The following SEC14L2 variants were observed in gnomAD, a reference collection of about 807,000 sequenced individuals.
The protein encoded by SEC14L2 is SEC14-like protein 2.
Under a neutral mutation model 56.9 loss-of-function variants are expected in SEC14L2, and 50 were observed. That is an observed-to-expected ratio of 0.88 (90% CI 0.70 to 1.11). The LOEUF (loss-of-function observed/expected upper bound fraction) is 1.11. Among genes scored for constraint, SEC14L2 ranks in the 50% most tolerant of loss-of-function variants. The probability of loss-of-function intolerance (pLI) is 0.00; values close to 1 mark genes in which losing one functional copy is unlikely to be tolerated. For missense variants in SEC14L2, 414 were observed against 500.7 expected (o/e 0.83, Z 1.65); for synonymous variants, 179 against 188.5 (o/e 0.95, Z 0.41).
In SEC14L2 at chr22:30,407,638, C is replaced by T. The variant is rs113940124; in HGVS notation, c.423+35C>T. The T allele has an allele frequency of 9.2e-4, 1,460 of 1,594,034 alleles. 12 individuals are homozygous for T. In the African/African-American group the frequency reaches 0.017, roughly 19 times the overall value. ...CCACCATGGCTAGAAATGAGTTGAC[C>T]ACAGCAGAGGCATTCCAGCAGAAGC... On this transcript the variant is annotated intron_variant, in intron 5 of 11. Coordinates refer to ENST00000615189, the MANE Select transcript of SEC14L2 (RefSeq NM_012429.5).
chr22:30,397,764 C>G (rs1485076957), intron 1 of SEC14L2: 1 of 447,212 alleles, frequency 2.2e-6, no homozygotes, highest in Non-Finnish European at 4.7e-6. Flanking sequence ...CCCCATGAGG[C>G]ACTGGGTTGG....
Position 30,416,742 on chromosome 22 carries a change from A to G in SEC14L2, c.1081+339A>G, listed in dbSNP as rs139306392. The stretch of plus-strand genomic sequence containing the variant: ...ATATTTCTTGGGGATGCTCCTTCCC[A>G]GAGGTCACAGAGACAGAACTGGCTG... On this transcript the variant is annotated intron_variant, in intron 11 of 11. Transcript: ENST00000615189. The G allele has an allele frequency of 5.8e-5, 77 of 1,319,666 alleles. No homozygotes were observed. In the East Asian group the frequency reaches 1.8e-3, roughly 30 times the overall value. The allele number at this position is 1,319,666 out of a possible 1,614,324, so 81.7% of individuals were successfully genotyped here. A position where few individuals can be genotyped will look rare whatever the true frequency, so the allele number is the denominator to read the frequency against.
intron 11 of SEC14L2, among the ~76,000 whole-genome samples, chr22:30,418,746 T>C (rs1156804894): frequency 6.6e-6 from 1 of 152,188 alleles, no homozygotes; most frequent in African/African-American, 2.4e-5. Flanking sequence ...CAGCTAAGGT[T>C]AGATGTGAGC....
chr22:30,415,793 C>A lies in SEC14L2; in HGVS notation c.699C>A (p.Ser233Arg), dbSNP rs1367143041. ...NWKEVLLKHI[S>R]PDQVPVEYGG... Reference sequence around the variant, plus strand: ...AGGAGGTTTTACTGAAACATATCAGCCCTGACCAGGTGCCTGTGGAGTATG... The same window carrying A: ...AGGAGGTTTTACTGAAACATATCAGACCTGACCAGGTGCCTGTGGAGTATG... The change falls in exon 9 of 12, where the codon AGC (serine) becomes AGA (arginine). Residue 233 changes from serine to arginine, a missense_variant. By Grantham distance (110) the Ser-to-Arg change is moderately radical. Coordinates refer to ENST00000615189, the MANE Select transcript of SEC14L2 (RefSeq NM_012429.5). 1.9e-6 allele frequency: 3 copies of A among 1,614,136 alleles called. No homozygotes were observed. Among genetic ancestry groups the A allele is most frequent in the South Asian group, 2.2e-5 (2 of 91,086 alleles).
chr22:30,414,655 C>G (rs935552458), intron 8 of SEC14L2, among the ~76,000 whole-genome samples: 1 of 151,790 alleles, frequency 6.6e-6, no homozygotes, highest in Admixed American at 6.6e-5. Context: ...GTTTTAGTAT[C>G]AAAATATTGT....
At chr22:30,409,899 C>CA (rs1218833000) in intron 7 of SEC14L2, among the ~76,000 whole-genome samples, 4 of 149,138 alleles carry the variant, frequency 2.7e-5, no homozygotes, top group East Asian at 2.0e-4. Context: ...GTCTCCATCT[C>CA]AAAAAAATAA....
intron 11 of SEC14L2, chr22:30,420,899 G>C (rs1014655810): frequency 2.0e-5 from 3 of 152,202 alleles, no homozygotes; most frequent in Non-Finnish European, 4.4e-5. Context: ...AAAGCAGCCT[G>C]TTCCTCTGCC....
intron 2 of SEC14L2, among the ~76,000 whole-genome samples, chr22:30,401,951 C>T (rs1332767842): frequency 2.6e-5 from 4 of 152,066 alleles, no homozygotes; most frequent in Non-Finnish European, 5.9e-5. Context: ...AGTCTTGGGG[C>T]AGATGAAGAG....
intron 1 of SEC14L2, chr22:30,398,521 G>A (rs905552775): frequency 3.0e-5 from 11 of 364,420 alleles, no homozygotes; most frequent in Non-Finnish European, 5.6e-5. Context: ...GGGAGTGAGA[G>A]GTTGGAGGTA....
chr22:30,424,656 A>AT lies in SEC14L2; in HGVS notation c.*2257dup, dbSNP rs1031386081. On this transcript the variant is annotated 3_prime_UTR_variant, in exon 12 of 12. Coordinates refer to ENST00000615189, the MANE Select transcript of SEC14L2 (RefSeq NM_012429.5). ...GTGCTCGTCAATGTTGGCTACTCTCATTTTTTTTGCAGACGTGGGAACTGG... is the reference window on the plus strand; with the variant it reads ...GTGCTCGTCAATGTTGGCTACTCTCATTTTTTTTTGCAGACGTGGGAACTGG... 7.8e-4 allele frequency: 355 copies of AT among 453,308 alleles called. 2 individuals carry two copies. The highest frequency in any genetic ancestry group is 5.4e-3 in the African/African-American group (270 of 49,946). 28.1% of individuals were successfully genotyped at this position (453,308 alleles called of 1,614,324 possible).
At position 30,422,569 on chromosome 22, in the gene SEC14L2, T is replaced by C. The variant is rs1934549158; in HGVS notation, c.*162T>C. 1 of 776,616 alleles carries C rather than the reference T, an allele frequency of 1.3e-6. No individual in the cohort carries two copies. The highest frequency in any genetic ancestry group is 2.8e-5 in the East Asian group (1 of 36,216). The allele number at this position is 776,616 out of a possible 1,614,324, so 48.1% of individuals were successfully genotyped here. On this transcript the variant is annotated 3_prime_UTR_variant, in exon 12 of 12. Coordinates refer to ENST00000615189, the MANE Select transcript of SEC14L2 (RefSeq NM_012429.5). ...TTAGGCAGAGGAAGAGCGACTGCAG[T>C]GGGTCTCCGTGTCTATCAAATACCT... is the stretch of plus-strand genomic sequence containing the variant.
Position 30,409,301 on chromosome 22 carries a change from G to A in SEC14L2, c.519+19G>A, listed in dbSNP as rs934829584. The A allele has an allele frequency of 1.2e-6, 2 of 1,604,378 alleles. No homozygotes were observed. Among genetic ancestry groups the A allele is most frequent in the Admixed American group, 1.7e-5 (1 of 59,938 alleles). ...TGGAGAGGTGAGGGGCAGGGGTGGGGAGGAAGGGGACAGAGGGAAGGGGAG... is the reference window on the plus strand; with the variant it reads ...TGGAGAGGTGAGGGGCAGGGGTGGGAAGGAAGGGGACAGAGGGAAGGGGAG... On this transcript the variant is annotated intron_variant, in intron 6 of 11. Coordinates refer to ENST00000615189, the MANE Select transcript of SEC14L2 (RefSeq NM_012429.5).
chr22:30,407,672 C>A, intron 5 of SEC14L2, 69 bp downstream of exon 5: 9 of 1,373,434 alleles, frequency 6.6e-6, no homozygotes, highest in Non-Finnish European at 9.1e-6. Flanking sequence ...GCAGGGATGT[C>A]ACACAGGAAT....
chr22:30,406,027 T>A lies in SEC14L2; in HGVS notation c.131-315T>A, dbSNP rs1276004854. Among the ~76,000 whole-genome samples, 4 of 152,060 alleles carry A rather than the reference T, an allele frequency of 2.6e-5. 1 individual carries two copies. The highest frequency in any genetic ancestry group is 4.4e-5 in the Non-Finnish European group (3 of 68,018). ...ATGATAAGAGGATCCGGGGTTCATTTTCACTGAGAGGACGGAAGACCTTTA... is the reference window on the plus strand; with the variant it reads ...ATGATAAGAGGATCCGGGGTTCATTATCACTGAGAGGACGGAAGACCTTTA... On this transcript the variant is annotated intron_variant, in intron 2 of 11. Transcript: ENST00000615189.
chr22:30,414,956 G>A (rs4820847), intron 8 of SEC14L2, among the ~76,000 whole-genome samples: 112,715 of 151,590 alleles, frequency 0.74, 42,085 homozygotes, highest in South Asian at 0.88. Flanking sequence ...TGCCCTCACA[G>A]TGTTCAGTAT....
chr22:30,424,525 T>C lies in SEC14L2; in HGVS notation c.*2118T>C, dbSNP rs1934616698. The C allele has an allele frequency of 2.8e-6, 1 of 353,708 alleles. No individual in the cohort carries two copies. Among genetic ancestry groups the C allele is most frequent in the Non-Finnish European group, 5.6e-6 (1 of 179,030 alleles). 21.9% of individuals were successfully genotyped at this position (353,708 alleles called of 1,614,324 possible). A position where few individuals can be genotyped will look rare whatever the true frequency, so the allele number is the denominator to read the frequency against. On this transcript the variant is annotated 3_prime_UTR_variant, in exon 12 of 12. Transcript: ENST00000615189. Reference sequence around the variant, plus strand: ...ATAAGAGCTAATTCTTAATAAGGCCTACCGGGTATCACGCAAAAACCCTGT... The same window carrying C: ...ATAAGAGCTAATTCTTAATAAGGCCCACCGGGTATCACGCAAAAACCCTGT...
chr22:30,422,430 G>A lies in SEC14L2; in HGVS notation c.*23G>A. ...TAACACCTTCTCCTATAGCAGGCCT[G>A]GCCCCCTCAGTGTCTCCCTGTCAAT... On this transcript the variant is annotated 3_prime_UTR_variant, in exon 12 of 12. Transcript: ENST00000615189. 1 of 1,613,658 alleles carries A rather than the reference G, an allele frequency of 6.2e-7. No homozygotes were observed. Among genetic ancestry groups the A allele is most frequent in the Non-Finnish European group, 8.5e-7 (1 of 1,179,848 alleles).
chr22:30,415,627 A>G, intron 8 of SEC14L2, 132 bp from the exon 9 acceptor site: 1 of 718,000 alleles, frequency 1.4e-6, no homozygotes, highest in Non-Finnish European at 2.4e-6. Context: ...CTAATGCAGG[A>G]ATTTGAGGCG....
chr22:30,413,207 G>C (rs1384705887), intron 8 of SEC14L2, among the ~76,000 whole-genome samples: 1 of 152,216 alleles, frequency 6.6e-6, no homozygotes, highest in Non-Finnish European at 1.5e-5. Context: ...AGCAGGCAGA[G>C]AAAGCGAACC....
Sources: gnomAD v4.1 joint callset for allele counts (sites outside exome capture counted in the v4.1 genomes callset) on GRCh38, gnomAD v4.1.1 for gene constraint, MANE v1.5 for transcripts, NCBI Gene and HGNC (gene_info 2026-07-23, HGNC 2026-07-21) for gene names.